C8A: variants seen among roughly 807,000 people sequenced by gnomAD.
C8A encodes the protein complement component C8 alpha chain.
C8A carries 67 observed loss-of-function variants against 65.3 expected under a neutral mutation model. The ratio of observed to expected loss-of-function variants is 1.03; its 90% CI spans 0.84 to 1.26. The LOEUF (loss-of-function observed/expected upper bound fraction) is 1.26. Among genes scored for constraint, C8A ranks in the 50% most tolerant of loss-of-function variants. The probability of loss-of-function intolerance (pLI) is 0.00; values close to 1 mark genes in which losing one functional copy is unlikely to be tolerated. For missense variants in C8A, 781 were observed against 723.9 expected, an observed-to-expected ratio of 1.08 and a Z score of -0.90; for synonymous variants, 290 against 259.4, an observed-to-expected ratio of 1.12 and a Z score of -1.13.
intron 7 of C8A, among the ~76,000 whole-genome samples, chr1:56,894,871 C>T (rs1644376334): frequency 6.6e-6 from 1 of 152,158 alleles, no homozygotes; most frequent in South Asian, 2.1e-4. Context: ...GGATAATTTA[C>T]TCTGTGGACA....
rs530714938 is a variant in C8A at position 56,886,876 on chromosome 1, G to A, written c.1096+709G>A. On this transcript the variant is annotated intron_variant, in intron 7 of 10. Coordinates refer to ENST00000361249, the MANE Select transcript of C8A (RefSeq NM_000562.3). ...ACCTAGGAGAACGGTGGTTCTCAAA[G>A]TGTGGGCCCCAACAGTCAGCATAGC... 1.1e-4 allele frequency among the ~76,000 whole-genome samples: 17 copies of A among 152,258 alleles called. No homozygotes were observed. In the East Asian group the frequency reaches 2.9e-3, roughly 26 times the overall value.
Position 56,888,340 on chromosome 1 carries a change from T to TA in C8A, c.1096+2181dup, listed in dbSNP as rs553265183. On this transcript the variant is annotated intron_variant, in intron 7 of 10. Transcript: ENST00000361249. ...TAATTCATCCGTCTACATATTCATT[T>TA]AAAAAAAATTCAAATGCTCTAATGA... Among the ~76,000 whole-genome samples, 6 of 152,174 alleles carry TA rather than the reference T, an allele frequency of 3.9e-5. No individual in the cohort carries two copies. The South Asian group carries it at 1.2e-3, about 32-fold the overall frequency.
intron 9 of C8A, among the ~76,000 whole-genome samples, chr1:56,908,729 A>T (rs376398077): frequency 6.6e-6 from 1 of 152,204 alleles, no homozygotes; most frequent in African/African-American, 2.4e-5. Flanking sequence ...TCCCATTAAA[A>T]AGATTAGGAA....
chr1:56,878,869 G>A (rs1644224552), intron 4 of C8A, among the ~76,000 whole-genome samples: 1 of 151,998 alleles, frequency 6.6e-6, no homozygotes, highest in Non-Finnish European at 1.5e-5. Flanking sequence ...TGTGTACTGG[G>A]CATTATAGAC....
Position 56,875,049 on chromosome 1 carries a change from T to A in C8A, c.272T>A (p.Val91Glu). 8.1e-6 allele frequency: 13 copies of A among 1,613,728 alleles called. No individual in the cohort carries two copies. Among genetic ancestry groups the A allele is most frequent in the Non-Finnish European group, 1.1e-5 (13 of 1,179,796 alleles). The part of the protein sequence containing the change: ...QASCSSSTTC[V>E]RQAQCGQDFQ... Reference sequence around the variant, plus strand: ...AGCTGCTCCAGTTCTACAACTTGTGTAAGGCAAGCACAGTGTGGACAGGAT... The same window carrying A: ...AGCTGCTCCAGTTCTACAACTTGTGAAAGGCAAGCACAGTGTGGACAGGAT... Residue 91 changes from valine to glutamate, a missense_variant, in exon 3 of 11, where the codon GTA (valine) becomes GAA (glutamate). Coordinates refer to ENST00000361249, the MANE Select transcript of C8A (RefSeq NM_000562.3).
intron 9 of C8A, among the ~76,000 whole-genome samples, chr1:56,909,947 G>A (rs1453101463): frequency 3.3e-5 from 5 of 152,210 alleles, no homozygotes; most frequent in African/African-American, 1.2e-4. Context: ...CACAACTCAT[G>A]TTGCCCCCTG....
intron 8 of C8A, among the ~76,000 whole-genome samples, chr1:56,907,556 C>A (rs888818521): frequency 6.6e-6 from 1 of 152,192 alleles, no homozygotes; most frequent in East Asian, 1.9e-4. Context: ...TTTCACTGTG[C>A]CCACATTGAG....
At chr1:56,917,436 T>C in intron 10 of C8A, 129 bp from the exon 11 acceptor site, 1 of 871,966 alleles carries the variant, frequency 1.1e-6, no homozygotes, top group Non-Finnish European at 1.9e-6. Context: ...CAAGCTGCAG[T>C]CGACCAGAGG....
At position 56,908,190 on chromosome 1, in the gene C8A, C is replaced by G. The variant is rs576005286; in HGVS notation, c.1380+77C>G. On this transcript the variant is annotated intron_variant, in intron 9 of 10. Transcript: ENST00000361249. ...AAGCAGACCAGATCATTTCATATTT[C>G]TTATTATGAGCCCATCAAAGAACAA... 6 of 1,449,522 alleles carry G rather than the reference C, an allele frequency of 4.1e-6. No individual in the cohort carries two copies. The South Asian group carries it at 5.8e-5, about 14-fold the overall frequency. The allele number at this position is 1,449,522 out of a possible 1,614,324, so 89.8% of individuals were successfully genotyped here. A position where few individuals can be genotyped will look rare whatever the true frequency, so the allele number is the denominator to read the frequency against.
intron 6 of C8A, among the ~76,000 whole-genome samples, chr1:56,884,552 C>T (rs569701414): frequency 4.9e-4 from 74 of 152,152 alleles, no homozygotes; most frequent in African/African-American, 1.6e-3. Flanking sequence ...AGAGCTTTGC[C>T]AAAGAATTAG....
At chr1:56,872,734 C>A (rs933846860) in intron 2 of C8A, among the ~76,000 whole-genome samples, 1 of 152,080 alleles carries the variant, frequency 6.6e-6, no homozygotes, top group African/African-American at 2.4e-5. Context: ...ATATATTTGG[C>A]TGAAGTCATA....
At chr1:56,881,795 G>T (rs567781646) in intron 5 of C8A, among the ~76,000 whole-genome samples, 161 bp downstream of exon 5, 1 of 152,148 alleles carries the variant, frequency 6.6e-6, no homozygotes, top group Non-Finnish European at 1.5e-5. Flanking sequence ...GCTTAGTGTC[G>T]AAGGGTGCTG....
At chr1:56,857,303 TACACAC>T (rs71048450) in intron 1 of C8A, among the ~76,000 whole-genome samples, 4 of 148,792 alleles carry the variant, frequency 2.7e-5, no homozygotes, top group Non-Finnish European at 1.5e-5. Context: ...TGTTATTAAA[TACACAC>T]ACACACACAC....
At chr1:56,881,287 C>A (rs1644245085) in intron 4 of C8A, among the ~76,000 whole-genome samples, 158 bp from the exon 5 acceptor site, 1 of 152,122 alleles carries the variant, frequency 6.6e-6, no homozygotes, top group African/African-American at 2.4e-5. Context: ...TTTTAATTTC[C>A]AACTTTTATT....
intron 9 of C8A, 45 bp from the exon 10 acceptor site, chr1:56,912,358 A>G: frequency 6.4e-7 from 1 of 1,571,848 alleles, no homozygotes; most frequent in East Asian, 2.2e-5. Context: ...CTGGGAAGGT[A>G]GATAGAGCCC....
At position 56,867,663 on chromosome 1, in the gene C8A, G is replaced by T. The variant is rs748348927; in HGVS notation, c.132G>T (p.Trp44Cys). 1 of 1,613,952 alleles carries T rather than the reference G, an allele frequency of 6.2e-7. No individual in the cohort carries two copies. The highest frequency in any genetic ancestry group is 8.5e-7 in the Non-Finnish European group (1 of 1,179,926). Residue 44 changes from tryptophan (W) to cysteine (C), a missense_variant, in exon 2 of 11, where the codon TGG (tryptophan) becomes TGT (cysteine). By Grantham distance (215) the Trp-to-Cys change is radical. Coordinates refer to ENST00000361249, the MANE Select transcript of C8A (RefSeq NM_000562.3). ...PAAVTCQLSNWSEWTDCFPCQ... is the reference protein window; with the variant it reads ...PAAVTCQLSNCSEWTDCFPCQ... ...CAGTTACCTGCCAGCTGAGCAACTG[G>T]TCAGAGTGGACAGATTGCTTTCCGT...
chr1:56,903,551 C>A (rs534968641), intron 7 of C8A, among the ~76,000 whole-genome samples: 24 of 152,142 alleles, frequency 1.6e-4, no homozygotes, highest in South Asian at 8.3e-4. Flanking sequence ...CCTTTTGAGA[C>A]CTTTTTGGAT....
At position 56,902,584 on chromosome 1, in the gene C8A, G is replaced by C. The variant is rs706478; in HGVS notation, c.1097-4083G>C. On this transcript the variant is annotated intron_variant, in intron 7 of 10. Transcript: ENST00000361249. ...ACAGTGTCATTAACTATAGGGACAT[G>C]TTGCTCTCAGACTTTATCTTGTATA... is the stretch of plus-strand genomic sequence containing the variant. Among the ~76,000 whole-genome samples, 1,223 of 152,268 alleles carry C rather than the reference G, an allele frequency of 8.0e-3. 22 individuals are homozygous for C. The highest frequency in any genetic ancestry group is 0.028 in the African/African-American group (1,163 of 41,558).
chr1:56,906,766 GT>G lies in C8A; in HGVS notation c.1197del (p.Cys399Ter), dbSNP rs749609881. On this transcript the variant is annotated frameshift_variant, in exon 8 of 11. Transcript: ENST00000361249. LOFTEE classifies it high-confidence loss of function. ...GGTGGAGGTTTATCAGGAGACCATT[GT>G]AAAAAATTTGGAGGTGGCAAAACTG... is the stretch of plus-strand genomic sequence containing the variant. ...NVGGGLSGDH[C>X]KKFGGGKTER... 7.4e-6 allele frequency: 12 copies of G among 1,613,970 alleles called. No individual in the cohort carries two copies. The highest frequency in any genetic ancestry group is 5.0e-5 in the Admixed American group (3 of 60,004).
Sources: gnomAD v4.1 joint callset for allele counts (sites outside exome capture counted in the v4.1 genomes callset) on GRCh38, gnomAD v4.1.1 for gene constraint, MANE v1.5 for transcripts, NCBI Gene and HGNC (gene_info 2026-07-23, HGNC 2026-07-21) for gene names.